The following FASN variants were observed in gnomAD, a reference collection of about 807,000 sequenced individuals.
The protein encoded by FASN is fatty acid synthase.
Under a neutral mutation model 250.0 loss-of-function variants are expected in FASN, and 50 were observed. That is an observed-to-expected ratio of 0.20 (90% CI 0.16 to 0.25). FASN has a LOEUF of 0.25. FASN is among the 10% of genes least tolerant of loss of function. The pLI is 1.00. For synonymous variants in FASN, 1,909 were observed against 1,584.0 expected (o/e 1.21, Z -4.87); for missense variants, 3,031 against 3,498.5 (o/e 0.87, Z 3.37).
In FASN at chr17:82,081,855, G is replaced by C; in HGVS notation, c.6164-12C>G. ...CTGCACGGCCAGGCCTGTGGGGGAG[G>C]GGGCAGGTGGGCAGAGCTGCGGGGA... On this transcript the variant is annotated splice_polypyrimidine_tract_variant and intron_variant, in intron 36 of 42. Transcript: ENST00000306749. 1.3e-6 allele frequency: 2 copies of C among 1,595,932 alleles called. No individual in the cohort carries two copies. Among genetic ancestry groups the C allele is most frequent in the Non-Finnish European group, 8.5e-7 (1 of 1,174,456 alleles).
intron 21 of FASN, among the ~76,000 whole-genome samples, chr17:82,086,772 G>A (rs191059326): frequency 6.6e-6 from 1 of 152,196 alleles, no homozygotes. Context: ...AGCTGCAGGG[G>A]CTACTCTGTG....
intron 21 of FASN, 142 bp from the exon 22 acceptor site, chr17:82,086,700 G>T: frequency 1.4e-6 from 1 of 738,974 alleles, no homozygotes. Flanking sequence ...GTTGAGGAAG[G>T]GGCTGCCCAC....
At chr17:82,081,924 G>A (rs1169002039) in intron 36 of FASN, 81 bp from the exon 37 acceptor site, 1 of 421,180 alleles carries the variant, frequency 2.4e-6, no homozygotes, top group African/African-American at 2.2e-5. Context: ...GGGGTGGGCA[G>A]GGCTGCGGGG....
chr17:82,091,929 AC>A (rs1227871888), intron 8 of FASN, among the ~76,000 whole-genome samples: 1 of 152,126 alleles, frequency 6.6e-6, no homozygotes, highest in Non-Finnish European at 1.5e-5. Context: ...CCTGATGTGG[AC>A]CCACCAAAGC....
Position 82,088,990 on chromosome 17 carries a change from G to A in FASN, c.2283C>T (p.Ile761=), listed in dbSNP as rs141668388. Residue 761 remains isoleucine, a synonymous_variant, in exon 14 of 43, where the codon ATC becomes ATT. Coordinates refer to ENST00000306749, the MANE Select transcript of FASN (RefSeq NM_004104.5). ...CTACCTGCAGCAGGGCGTGGGGCGC[G>A]ATCTCCAGCACCACCGCGTGCTCAG... The part of the protein sequence containing the change: ...HVPEHAVVLE[I]APHALLQAVL... The A allele has an allele frequency of 1.1e-5, 18 of 1,609,068 alleles. No individual in the cohort carries two copies. The highest frequency in any genetic ancestry group is 3.3e-5 in the South Asian group (3 of 90,542).
At position 82,091,370 on chromosome 17, in the gene FASN, C is replaced by T. The variant is rs746316862; in HGVS notation, c.1344G>A (p.Leu448=). ...TGTCGTTCAGCATGCTCAGGAAAGC[C>T]AGGTCCTGGCTGTGCCGGAGGCCCT... is the stretch of plus-strand genomic sequence containing the variant. ...LEQGLRHSQD[L]AFLSMLNDIA... The change falls in exon 9 of 43, where the codon CTG becomes CTA. Residue 448 remains leucine (L), a synonymous_variant. Coordinates refer to ENST00000306749, the MANE Select transcript of FASN (RefSeq NM_004104.5). 17 of 1,611,154 alleles carry T rather than the reference C, an allele frequency of 1.1e-5. No individual in the cohort carries two copies. In the South Asian group the frequency reaches 1.8e-4, roughly 17 times the overall value.
intron 12 of FASN, 85 bp from the exon 13 acceptor site, chr17:82,089,469 A>C: frequency 6.2e-7 from 1 of 1,607,244 alleles, no homozygotes; most frequent in Non-Finnish European, 8.5e-7. Context: ...ACCTCACCCC[A>C]AGGGAACCGA....
intron 21 of FASN, 37 bp from the exon 22 acceptor site, chr17:82,086,595 G>A (rs1348329995): frequency 6.6e-7 from 1 of 1,523,354 alleles, no homozygotes; most frequent in African/African-American, 1.4e-5. Context: ...TGTTCCCAAA[G>A]CCCCAGGGCA....
At chr17:82,090,351 T>A (rs1192334576) in intron 11 of FASN, 24 bp downstream of exon 11, 2 of 1,561,842 alleles carry the variant, frequency 1.3e-6, no homozygotes. Flanking sequence ...TTGGAGGTGC[T>A]GGGGGCCCCT....
At position 82,087,198 on chromosome 17, in the gene FASN, G is replaced by A. The variant is rs1384739644; in HGVS notation, c.3279C>T (p.His1093=). The A allele has an allele frequency of 3.1e-6, 5 of 1,606,978 alleles. No homozygotes were observed. In the Admixed American group the frequency reaches 6.9e-5, roughly 22 times the overall value. The change falls in exon 21 of 43, where the codon CAC becomes CAT. Residue 1093 remains histidine (H), a synonymous_variant. Transcript: ENST00000306749. ...WLRVTVAGGV[H]ISGLHTESAP... ...CCGACTCAGTGTGGAGCCCGGAGAT[G>A]TGGACGCCTCCGGCCACTGTGACCC...
intron 3 of FASN, chr17:82,094,039 G>A (rs980368679): frequency 1.3e-5 from 7 of 550,402 alleles, no homozygotes; most frequent in Admixed American, 3.1e-5. Flanking sequence ...GGGGGCAGGC[G>A]GGCCCAGGGG....
At chr17:82,094,231 C>A in intron 3 of FASN, 3 of 268,760 alleles carry the variant, frequency 1.1e-5, no homozygotes, top group Non-Finnish European at 2.2e-5. Flanking sequence ...GAGACAAAGG[C>A]CAAGTGTCCA....
At chr17:82,084,488 T>C (rs2034052055) in intron 27 of FASN, 25 bp downstream of exon 27, 1 of 1,596,622 alleles carries the variant, frequency 6.3e-7, no homozygotes, top group African/African-American at 1.3e-5. Flanking sequence ...CCCAGTCCAC[T>C]CCCACGGCCC....
chr17:82,083,222 T>A lies in FASN; in HGVS notation c.5545A>T (p.Ile1849Phe), dbSNP rs770338422. 1 of 1,612,716 alleles carries A rather than the reference T, an allele frequency of 6.2e-7. No individual in the cohort carries two copies. Among genetic ancestry groups the A allele is most frequent in the East Asian group, 2.2e-5 (1 of 44,880 alleles). ...CTCACCTGCACGACGACTTTGCCAA[T>A]GTGCTTCCCTTGGGCCATGTAGCGG... ...AFRYMAQGKH[I>F]GKVVVQVLAE... The change falls in exon 32 of 43, where the codon ATT becomes TTT. Residue 1849 changes from isoleucine to phenylalanine, a missense_variant. Transcript: ENST00000306749.
intron 2 of FASN, 78 bp from the exon 3 acceptor site, chr17:82,095,550 T>C: frequency 3.2e-6 from 5 of 1,550,042 alleles, no homozygotes; most frequent in Non-Finnish European, 4.4e-6. Context: ...TGCAGGCCCC[T>C]GGAGGGGCCA....
At chr17:82,085,922 A>T (rs1273531268) in intron 22 of FASN, 51 bp from the exon 23 acceptor site, 2 of 1,470,218 alleles carry the variant, frequency 1.4e-6, no homozygotes, top group Non-Finnish European at 9.0e-7. Context: ...GGTGCCCCTG[A>T]CCTGGGGCTG....
intron 3 of FASN, 32 bp downstream of exon 3, chr17:82,095,288 C>A (rs1342915114): frequency 6.2e-7 from 1 of 1,611,150 alleles, no homozygotes; most frequent in African/African-American, 1.3e-5. Flanking sequence ...AGCAGGAGCC[C>A]TCGGCGCAGC....
In FASN at chr17:82,096,304, C is replaced by T; in HGVS notation, c.127+15G>A. On this transcript the variant is annotated intron_variant, in intron 2 of 42. Transcript: ENST00000306749. ...GCTTCACACCCCAGGCACGGGGAGC[C>T]CCGCAGCCACATACCCGCCTTCCAG... 1.2e-6 allele frequency: 2 copies of T among 1,611,704 alleles called. No individual in the cohort carries two copies. Among genetic ancestry groups the T allele is most frequent in the Non-Finnish European group, 8.5e-7 (1 of 1,179,914 alleles).
rs776553835 is a variant in FASN at position 82,081,818 on chromosome 17, G to A, written c.6189C>T (p.Ile2063=). The part of the protein sequence containing the change: ...LPGLAVQWGA[I]GDVGILVETM... ...TCTCCACCAAAATGCCCACGTCGCC[G>A]ATGGCGCCCCACTGCACGGCCAGGC... The change falls in exon 37 of 43, where the codon ATC becomes ATT. Residue 2063 remains isoleucine (I), a synonymous_variant. Transcript: ENST00000306749. The A allele has an allele frequency of 2.1e-4, 341 of 1,610,320 alleles. No individual in the cohort carries two copies. Among genetic ancestry groups the A allele is most frequent in the Non-Finnish European group, 2.6e-4 (312 of 1,179,602 alleles).
Sources: gnomAD v4.1 joint callset for allele counts (sites outside exome capture counted in the v4.1 genomes callset) on GRCh38, gnomAD v4.1.1 for gene constraint, MANE v1.5 for transcripts, NCBI Gene and HGNC (gene_info 2026-07-23, HGNC 2026-07-21) for gene names.